Variants in DCP1B observed in about 807,000 individuals in gnomAD.
DCP1B encodes decapping mRNA 1B.
DCP1B carries 47 observed loss-of-function variants against 60.5 expected under a neutral mutation model. The observed-to-expected ratio is 0.78, with a 90% CI of 0.61 to 0.99. DCP1B has a LOEUF of 0.99. Ranked by LOEUF, DCP1B falls within the 50% of genes least tolerant of loss-of-function variation. The pLI, the probability that DCP1B is intolerant of heterozygous loss-of-function variation, is 0.00. For missense variants in DCP1B, 725 were observed against 756.8 expected, an observed-to-expected ratio of 0.96 and a Z score of 0.49; for synonymous variants, 267 against 280.3, an observed-to-expected ratio of 0.95 and a Z score of 0.47.
chr12:1,957,363 T>C (rs1051769632), intron 5 of DCP1B, among the ~76,000 whole-genome samples: 1 of 152,226 alleles, frequency 6.6e-6, no homozygotes, highest in Non-Finnish European at 1.5e-5. Context: ...CATAAACATA[T>C]GTATTTATGC....
At chr12:1,943,953 G>A (rs1225991217), downstream of DCP1B, among the ~76,000 whole-genome samples, 4 of 152,166 alleles carry the variant, frequency 2.6e-5, no homozygotes, top group Non-Finnish European at 5.9e-5. Context: ...AATCAGGCAA[G>A]AGAAAGAAAT....
At chr12:1,945,631 C>T (rs1298617977), downstream of DCP1B, among the ~76,000 whole-genome samples, 1 of 152,168 alleles carries the variant, frequency 6.6e-6, no homozygotes, top group Non-Finnish European at 1.5e-5. Context: ...TGGAACCAAC[C>T]CAAATGTCCA....
rs1369971999 is a variant in DCP1B at position 1,996,651 on chromosome 12, AAAAACAAC to A, written c.191+1276_191+1283del. 1.6e-3 allele frequency among the ~76,000 whole-genome samples: 66 copies of A among 40,506 alleles called. 6 individuals carry two copies. The highest frequency in any genetic ancestry group is 8.9e-3 in the African/African-American group (62 of 7,000). 26.6% of individuals were successfully genotyped at this position (40,506 alleles called of 152,430 possible). ...AAAAAAAAAAAAAAAAAAAAAAAAA[AAAAACAAC>A]AAACTCTTCTAATGTTTTAAAGAAG... On this transcript the variant is annotated intron_variant, in intron 2 of 8. Coordinates refer to ENST00000280665, the MANE Select transcript of DCP1B (RefSeq NM_152640.5).
chr12:1,997,057 A>G, intron 2 of DCP1B, among the ~76,000 whole-genome samples: 1 of 152,340 alleles, frequency 6.6e-6, no homozygotes, highest in East Asian at 1.9e-4. Context: ...GCCAATATAC[A>G]TAATGTATGT....
chr12:1,986,046 C>G (rs2037643579), intron 3 of DCP1B, among the ~76,000 whole-genome samples: 1 of 152,204 alleles, frequency 6.6e-6, no homozygotes, highest in South Asian at 2.1e-4. Flanking sequence ...ATCTCCTGAC[C>G]TCGTGATCTG....
rs1273016052 is a variant in DCP1B at position 1,982,926 on chromosome 12, G to C, written c.319+10338C>G. ...ACTATCTGAACTTGGAGTTTTGTTA[G>C]ATTTTTAATTACAAATTCAATTCCT... On this transcript the variant is annotated intron_variant, in intron 3 of 8. Coordinates refer to ENST00000280665, the MANE Select transcript of DCP1B (RefSeq NM_152640.5). 2.0e-5 allele frequency among the ~76,000 whole-genome samples: 3 copies of C among 152,086 alleles called. No homozygotes were observed. The East Asian group carries it at 5.8e-4, about 29-fold the overall frequency.
rs2037082539 is a variant in DCP1B at position 1,984,538 on chromosome 12, A to T, written c.319+8726T>A. Among the ~76,000 whole-genome samples the T allele has an allele frequency of 4.6e-5, 7 of 152,176 alleles. No individual in the cohort carries two copies. The South Asian group carries it at 1.5e-3, about 32-fold the overall frequency. On this transcript the variant is annotated intron_variant, in intron 3 of 8. Coordinates refer to ENST00000280665, the MANE Select transcript of DCP1B (RefSeq NM_152640.5). ...CCTCTCTTTTTATGTTATAGTTGTC[A>T]CATGTATCACATCCGTATACACTGA...
chr12:1,981,385 A>C (rs2036077120), intron 3 of DCP1B, among the ~76,000 whole-genome samples: 1 of 152,258 alleles, frequency 6.6e-6, no homozygotes, highest in African/African-American at 2.4e-5. Flanking sequence ...CATTGCAAAT[A>C]TTTAATTGTG....
At chr12:1,972,131 T>G (rs1447665564) in intron 3 of DCP1B, among the ~76,000 whole-genome samples, 1 of 152,240 alleles carries the variant, frequency 6.6e-6, no homozygotes, top group Non-Finnish European at 1.5e-5. Flanking sequence ...AAGTTCCCTC[T>G]TTTTACTTGG....
rs143832525 is a variant in DCP1B at position 1,986,006 on chromosome 12, A to G, written c.319+7258T>C. Among the ~76,000 whole-genome samples, 1,050 of 151,944 alleles carry G rather than the reference A, an allele frequency of 6.9e-3. 6 individuals carry two copies. The highest frequency in any genetic ancestry group is 0.026 in the East Asian group (135 of 5,146). On this transcript the variant is annotated intron_variant, in intron 3 of 8. Transcript: ENST00000280665. ...TGTTTTGTATTTTTAGTAGAGATGGAGTTTCACCGTGTTAGCCAGGATGGT... is the reference window on the plus strand; with the variant it reads ...TGTTTTGTATTTTTAGTAGAGATGGGGTTTCACCGTGTTAGCCAGGATGGT...
rs1203861566 is a variant in DCP1B, at chr12:1,962,332, C to T, written c.522+3226G>A. The stretch of plus-strand genomic sequence containing the variant: ...GCCCTTTGCTATCTCTGAACACTGG[C>T]TGGTCACAGGAGGGGCAGTCTCCCC... On this transcript the variant is annotated intron_variant, in intron 5 of 8. Coordinates refer to ENST00000280665, the MANE Select transcript of DCP1B (RefSeq NM_152640.5). This position sits in a 1 kb window ranked among gnomAD's most constrained non-coding sequence, Gnocchi z 4.4. Among the ~76,000 whole-genome samples the T allele has an allele frequency of 6.6e-6, 1 of 152,098 alleles. No individual in the cohort carries two copies. The highest frequency in any genetic ancestry group is 2.4e-5 in the African/African-American group (1 of 41,406).
At chr12:1,954,875 T>A (rs1417919031) in intron 6 of DCP1B, among the ~76,000 whole-genome samples, 2 of 152,238 alleles carry the variant, frequency 1.3e-5, no homozygotes, top group Non-Finnish European at 2.9e-5. Context: ...TTTGTTTTTG[T>A]TTTCTGAGAC....
At position 1,955,575 on chromosome 12, in the gene DCP1B, A is replaced by C. The variant is rs1348642376; in HGVS notation, c.523-15T>G. The C allele has an allele frequency of 1.2e-6, 2 of 1,605,280 alleles. No individual in the cohort carries two copies. Among genetic ancestry groups the C allele is most frequent in the African/African-American group, 1.3e-5 (1 of 74,504 alleles). On this transcript the variant is annotated splice_polypyrimidine_tract_variant and intron_variant, in intron 5 of 8. Transcript: ENST00000280665. ...CAGGTTTTACACTGAAATAGAAAAG[A>C]AAATCCCCTCATTTTTGGCTTAGAA...
At position 1,955,569 on chromosome 12, in the gene DCP1B, G is replaced by T. The variant is rs746780004; in HGVS notation, c.523-9C>A. The T allele has an allele frequency of 6.2e-7, 1 of 1,606,406 alleles. No individual in the cohort carries two copies. Among genetic ancestry groups the T allele is most frequent in the Non-Finnish European group, 8.5e-7 (1 of 1,176,642 alleles). On this transcript the variant is annotated splice_polypyrimidine_tract_variant and intron_variant, in intron 5 of 8. Transcript: ENST00000280665. ...TCAGAACAGGTTTTACACTGAAATAGAAAAGAAAATCCCCTCATTTTTGGC... is the reference window on the plus strand; with the variant it reads ...TCAGAACAGGTTTTACACTGAAATATAAAAGAAAATCCCCTCATTTTTGGC...
Position 1,948,268 on chromosome 12 carries a change from T to C in DCP1B, c.1773+818A>G, listed in dbSNP as rs1168453441. ...CGAGGCTGGTCCCTGCCAACATTCA[T>C]GTGGTGAACGTGGCCCACGGGAGAG... is the stretch of plus-strand genomic sequence containing the variant. On this transcript the variant is annotated intron_variant, in intron 8 of 8. Transcript: ENST00000280665. The surrounding 1 kb of genome is among the most constrained non-coding windows in gnomAD (Gnocchi z 4.8). Among the ~76,000 whole-genome samples, 2 of 152,240 alleles carry C rather than the reference T, an allele frequency of 1.3e-5. No homozygotes were observed. The highest frequency in any genetic ancestry group is 2.9e-5 in the Non-Finnish European group (2 of 68,036).
rs984687693 is a variant in DCP1B at position 1,948,462 on chromosome 12, C to A, written c.1773+624G>T. On this transcript the variant is annotated intron_variant, in intron 8 of 8. Transcript: ENST00000280665. The surrounding 1 kb of genome is among the most constrained non-coding windows in gnomAD (Gnocchi z 4.8). ...GAATGAGTTATATGCTTGTGTGTAG[C>A]ACTGAAAATAGGGCCCGGCGCCAGC... Among the ~76,000 whole-genome samples the A allele has an allele frequency of 1.3e-5, 2 of 152,216 alleles. No homozygotes were observed. Among genetic ancestry groups the A allele is most frequent in the Non-Finnish European group, 2.9e-5 (2 of 68,040 alleles).
intron 3 of DCP1B, chr12:1,993,050 A>G (rs893121250): frequency 2.9e-6 from 2 of 700,680 alleles, no homozygotes; most frequent in Non-Finnish European, 5.0e-6. Context: ...GTTTAGGTTT[A>G]TATCATCATA....
chr12:1,967,155 C>A (rs1302997458), intron 4 of DCP1B, among the ~76,000 whole-genome samples: 1 of 152,208 alleles, frequency 6.6e-6, no homozygotes, highest in Non-Finnish European at 1.5e-5. Flanking sequence ...GAGAACAAGC[C>A]CTCCTCTTTC....
chr12:1,995,052 G>A (rs1463210043), intron 2 of DCP1B, among the ~76,000 whole-genome samples: 2 of 152,040 alleles, frequency 1.3e-5, no homozygotes, highest in Admixed American at 6.6e-5. Context: ...TTGGAGAAAA[G>A]ACTAAAAAAC....
Sources: gnomAD v4.1 joint callset for allele counts (sites outside exome capture counted in the v4.1 genomes callset) on GRCh38, gnomAD v4.1.1 for gene constraint, Gnocchi (gnomAD v3.1) non-coding constraint, MANE v1.5 for transcripts, NCBI Gene and HGNC (gene_info 2026-07-23, HGNC 2026-07-21) for gene names.